The following TCF12 variants were observed in gnomAD, a reference collection of about 807,000 sequenced individuals.
TCF12 encodes the protein transcription factor 12.
In TCF12, 45 loss-of-function variants were observed where a neutral mutation model predicts 86.0. The ratio of observed to expected loss-of-function variants is 0.52; its 90% CI spans 0.41 to 0.67. The LOEUF (loss-of-function observed/expected upper bound fraction) is 0.67, where lower values mean the gene tolerates loss of function less well. TCF12 is among the 30% of genes least tolerant of loss of function. The probability of loss-of-function intolerance (pLI) is 0.00; values close to 1 mark genes in which losing one functional copy is unlikely to be tolerated. For synonymous variants in TCF12, 330 were observed against 299.6 expected (o/e 1.10, Z -1.05); for missense variants, 881 against 859.9 (o/e 1.02, Z -0.31).
intron 6 of TCF12, among the ~76,000 whole-genome samples, chr15:57,190,602 T>C (rs1405509008): frequency 6.6e-6 from 1 of 152,214 alleles, no homozygotes; most frequent in Non-Finnish European, 1.5e-5. Context: ...CAAGTCTCTG[T>C]GATCCTATTT....
Position 56,976,970 on chromosome 15 carries a change from A to G in TCF12, c.148+55872A>G, listed in dbSNP as rs370967394. Among the ~76,000 whole-genome samples the G allele has an allele frequency of 1.2e-4, 19 of 152,276 alleles. No homozygotes were observed. The East Asian group carries it at 3.1e-3, about 25-fold the overall frequency. On this transcript the variant is annotated intron_variant, in intron 3 of 20. Coordinates refer to ENST00000333725, the MANE Select transcript of TCF12 (RefSeq NM_207037.2). ...AATAAAAATTTAGATCCTCATTTGC[A>G]CTAGCCACATTTCAAGTGCTCAATA... is the stretch of plus-strand genomic sequence containing the variant.
chr15:57,216,496 T>C (rs2058335251), intron 8 of TCF12, among the ~76,000 whole-genome samples: 2 of 151,246 alleles, frequency 1.3e-5, no homozygotes, highest in African/African-American at 4.9e-5. Flanking sequence ...GTTTAAAAAT[T>C]GGCCCTGTCT....
At chr15:57,000,728 GT>G (rs1264211846) in intron 3 of TCF12, among the ~76,000 whole-genome samples, 1 of 152,018 alleles carries the variant, frequency 6.6e-6, no homozygotes, top group Non-Finnish European at 1.5e-5. Flanking sequence ...GTCTAACTTT[GT>G]TTTTATTATC....
chr15:56,938,132 G>T (rs1360351218), intron 3 of TCF12, among the ~76,000 whole-genome samples: 10 of 122,564 alleles, frequency 8.2e-5, no homozygotes, highest in Admixed American at 4.3e-4. Flanking sequence ...TCTGTAGTTT[G>T]CTTTTTTTTC....
At chr15:57,085,004 C>T (rs1214789973) in intron 4 of TCF12, among the ~76,000 whole-genome samples, 1 of 152,130 alleles carries the variant, frequency 6.6e-6, no homozygotes, top group Non-Finnish European at 1.5e-5. Flanking sequence ...AGCAGCATCT[C>T]ATGTATCCAG....
rs554708380 is a variant in TCF12, at chr15:56,919,650, G to C, written c.-22-242G>C. 1.1e-4 allele frequency: 36 copies of C among 328,434 alleles called. No homozygotes were observed. In the South Asian group the frequency reaches 1.6e-3, roughly 14 times the overall value. The allele number at this position is 328,434 out of a possible 1,614,324, so 20.3% of individuals were successfully genotyped here. Reference sequence around the variant, plus strand: ...CTCGGAAACTTGGGGGAGAGGCGGCGAGTTGCGGGAGCCGCCGCGTCGATC... The same window carrying C: ...CTCGGAAACTTGGGGGAGAGGCGGCCAGTTGCGGGAGCCGCCGCGTCGATC... On this transcript the variant is annotated intron_variant, in intron 1 of 20. Coordinates refer to ENST00000333725, the MANE Select transcript of TCF12 (RefSeq NM_207037.2).
chr15:57,108,072 G>GC (rs2050250540), intron 5 of TCF12, among the ~76,000 whole-genome samples: 1 of 152,196 alleles, frequency 6.6e-6, no homozygotes, highest in Admixed American at 6.5e-5. Flanking sequence ...TCCCTTGAGT[G>GC]CACTGCACTC....
chr15:56,996,860 A>G (rs375371804), intron 3 of TCF12, among the ~76,000 whole-genome samples: 5 of 152,338 alleles, frequency 3.3e-5, no homozygotes, highest in South Asian at 4.1e-4. Flanking sequence ...TAGCCAACAA[A>G]CATATTAAAA....
chr15:56,955,615 G>T (rs2061477274), intron 3 of TCF12, among the ~76,000 whole-genome samples: 1 of 152,178 alleles, frequency 6.6e-6, no homozygotes, highest in African/African-American at 2.4e-5. Context: ...TGTATGAATT[G>T]AGTGATTTTA....
intron 12 of TCF12, among the ~76,000 whole-genome samples, chr15:57,234,689 A>G (rs1166411198): frequency 6.6e-6 from 1 of 152,250 alleles, no homozygotes; most frequent in African/African-American, 2.4e-5. Context: ...AGCAGTGATT[A>G]TATTTTAATA....
In TCF12 at chr15:57,287,129, G is replaced by A. The variant is rs1289190786; in HGVS notation, c.*984G>A. The A allele has an allele frequency of 6.1e-6, 1 of 165,010 alleles. No individual in the cohort carries two copies. The highest frequency in any genetic ancestry group is 1.3e-5 in the Non-Finnish European group (1 of 74,616). The allele number at this position is 165,010 out of a possible 1,614,324, so 10.2% of individuals were successfully genotyped here. A position where few individuals can be genotyped will look rare whatever the true frequency, so the allele number is the denominator to read the frequency against. The stretch of plus-strand genomic sequence containing the variant: ...TAGAAATCGCTTTGTTTTCCAAGCA[G>A]TAAGTACTACATACAGTACTTGTAA... On this transcript the variant is annotated 3_prime_UTR_variant, in exon 21 of 21. Transcript: ENST00000333725.
intron 8 of TCF12, among the ~76,000 whole-genome samples, chr15:57,200,554 C>T (rs2057490600): frequency 6.6e-6 from 1 of 152,142 alleles, no homozygotes; most frequent in Admixed American, 6.5e-5. Flanking sequence ...TCATCAGTTT[C>T]CTACTTGTTC....
intron 6 of TCF12, among the ~76,000 whole-genome samples, chr15:57,188,535 G>A (rs2056807702): frequency 6.6e-6 from 1 of 152,144 alleles, no homozygotes; most frequent in South Asian, 2.1e-4. Flanking sequence ...AAAGAACAGT[G>A]TTGGAGTAGT....
intron 3 of TCF12, among the ~76,000 whole-genome samples, chr15:57,037,856 T>A (rs1407625950): frequency 6.6e-6 from 1 of 152,190 alleles, no homozygotes; most frequent in East Asian, 1.9e-4. Context: ...AGGACTTTAT[T>A]TCTATTGCTA....
chr15:57,167,492 T>G lies in TCF12; in HGVS notation c.390+1026T>G, dbSNP rs189769850. On this transcript the variant is annotated intron_variant, in intron 6 of 20. Transcript: ENST00000333725. The stretch of plus-strand genomic sequence containing the variant: ...AGGAGGATCACTTGAGCCCAGGAGT[T>G]GAAGGCTGCAGTGACCCATGATTGC... Among the ~76,000 whole-genome samples the G allele has an allele frequency of 4.2e-4, 64 of 151,854 alleles. 1 individual carries two copies. In the East Asian group the frequency reaches 0.012, roughly 27 times the overall value.
intron 3 of TCF12, among the ~76,000 whole-genome samples, chr15:57,014,829 T>A (rs376410367): frequency 4.0e-5 from 6 of 151,438 alleles, no homozygotes; most frequent in Admixed American, 4.0e-4. Flanking sequence ...GGTCAAGATA[T>A]GGGGGTGGGG....
chr15:57,273,283 T>A (rs760482703), intron 19 of TCF12, 21 bp downstream of exon 19: 8 of 1,609,418 alleles, frequency 5.0e-6, no homozygotes, highest in Non-Finnish European at 6.8e-6. Flanking sequence ...TCAGCCGAGA[T>A]GTATAACTGT....
intron 4 of TCF12, among the ~76,000 whole-genome samples, chr15:57,075,806 C>CTT (rs59769575): frequency 0.071 from 4,752 of 66,592 alleles, 188 homozygotes; most frequent in Middle Eastern, 0.15. Context: ...TTCTTTCTTT[C>CTT]TCTCTCTCTC....
intron 4 of TCF12, among the ~76,000 whole-genome samples, chr15:57,066,234 C>T (rs1054040429): frequency 1.9e-4 from 29 of 152,048 alleles, no homozygotes; most frequent in African/African-American, 7.0e-4. Flanking sequence ...CCATTTCTTT[C>T]ATAATCATAA....
Sources: allele counts gnomAD v4.1 joint callset (sites outside exome capture counted in the v4.1 genomes callset), GRCh38; gene constraint gnomAD v4.1.1; transcripts MANE v1.5; gene names NCBI Gene and HGNC (gene_info 2026-07-23, HGNC 2026-07-21).